CFAP92: variants seen among roughly 807,000 people sequenced by gnomAD.
CFAP92 encodes uncharacterized protein CFAP92.
Under a neutral mutation model 106.3 loss-of-function variants are expected in CFAP92, and 86 were observed. The observed-to-expected ratio is 0.81, with a 90% confidence interval of 0.68 to 0.97. The LOEUF (loss-of-function observed/expected upper bound fraction) is 0.97. CFAP92 is among the 50% of genes least tolerant of loss of function. The pLI is 0.00. For synonymous variants in CFAP92, 477 were observed against 506.4 expected (o/e 0.94, Z 0.78); for missense variants, 1,204 against 1,283.8 (o/e 0.94, Z 0.95).
chr3:128,945,731 A>G lies in CFAP92; in HGVS notation c.1598T>C (p.Leu533Pro), dbSNP rs977749777. Residue 533 changes from leucine to proline, a missense_variant, in exon 10 of 16, where the codon CTG becomes CCG. Coordinates refer to ENST00000645291, the MANE Select transcript of CFAP92 (RefSeq NM_001394090.1). ...GGCCTGGAAGTTGAGGTATGAATCCAGAGGGTCCTCCCCAAACAGCACGGG... is the reference window on the plus strand; with the variant it reads ...GGCCTGGAAGTTGAGGTATGAATCCGGAGGGTCCTCCCCAAACAGCACGGG... ...QKPVLFGEDP[L>P]DSYLNFQALI... The G allele has an allele frequency of 6.5e-7, 1 of 1,536,004 alleles. No homozygotes were observed. Among genetic ancestry groups the G allele is most frequent in the Non-Finnish European group, 8.7e-7 (1 of 1,146,850 alleles).
intron 8 of CFAP92, chr3:128,966,898 A>G (rs534566309): frequency 6.6e-6 from 1 of 152,316 alleles, no homozygotes; most frequent in East Asian, 1.9e-4. Context: ...AAAGGTATCC[A>G]TGTATTTCAC....
chr3:128,946,558 A>AT (rs1402329925), intron 9 of CFAP92, among the ~76,000 whole-genome samples: 1 of 152,212 alleles, frequency 6.6e-6, no homozygotes, highest in East Asian at 1.9e-4. Flanking sequence ...TGGTGCTGAG[A>AT]TTTTATCATC....
chr3:129,020,629 C>T, the CFAP92 span, among the ~76,000 whole-genome samples: 1 of 152,060 alleles, frequency 6.6e-6, no homozygotes, highest in Non-Finnish European at 1.5e-5. Context: ...AGAGTAACAC[C>T]CTGTCTCAAT....
Position 128,962,912 on chromosome 3 carries a change from T to A in CFAP92, c.1353+2599A>T, listed in dbSNP as rs1227936493. Among the ~76,000 whole-genome samples, 3 of 152,322 alleles carry A rather than the reference T, an allele frequency of 2.0e-5. No homozygotes were observed. In the East Asian group the frequency reaches 5.8e-4, roughly 29 times the overall value. On this transcript the variant is annotated intron_variant, in intron 9 of 15. Transcript: ENST00000645291. ...AACCCATATACTCTCCTATCCTCAA[T>A]ACCTTCCTCTACTACCCATTATTCT...
rs1006289070 is a variant in CFAP92, at chr3:129,001,896, G to A, written n.117+678C>T. ...GCTCTGCGCTGTGCTGGGGCTGCGC[G>A]CGGAGGGGGCCACCACGGCCGGGCA... is the stretch of plus-strand genomic sequence containing the variant. On this transcript the variant is annotated intron_variant and non_coding_transcript_variant, in intron 1 of 4. Coordinates refer to the CFAP92 transcript ENST00000510149. 2.3e-5 allele frequency: 35 copies of A among 1,538,288 alleles called. No homozygotes were observed. In the East Asian group the frequency reaches 2.5e-4, roughly 11 times the overall value.
intron 12 of CFAP92, among the ~76,000 whole-genome samples, chr3:128,928,318 T>A (rs1937936229): frequency 6.6e-6 from 1 of 152,218 alleles, no homozygotes. Flanking sequence ...ATTGGCAAGC[T>A]GATCTTAAAA....
Position 128,971,341 on chromosome 3 carries a change from G to A in CFAP92, c.1114C>T (p.Pro372Ser). 1 of 1,613,632 alleles carries A rather than the reference G, an allele frequency of 6.2e-7. No homozygotes were observed. Among genetic ancestry groups the A allele is most frequent in the Non-Finnish European group, 8.5e-7 (1 of 1,179,764 alleles). Residue 372 changes from proline to serine, a missense_variant, in exon 8 of 16, where the codon CCC becomes TCC. Physicochemically the swap from Pro to Ser is moderately conservative, Grantham distance 74. Coordinates refer to ENST00000645291, the MANE Select transcript of CFAP92 (RefSeq NM_001394090.1). The part of the protein sequence containing the change: ...EEEADPTLTG[P>S]RKQSAFSIQL... Reference sequence around the variant, plus strand: ...ATGGAGAAAGCGCTCTGCTTCCTGGGGCCTGTCAGCGTGGGGTCTGCCTCT... The same window carrying A: ...ATGGAGAAAGCGCTCTGCTTCCTGGAGCCTGTCAGCGTGGGGTCTGCCTCT...
intron 9 of CFAP92, among the ~76,000 whole-genome samples, chr3:128,964,652 C>G (rs1380968444): frequency 6.6e-6 from 1 of 152,198 alleles, no homozygotes; most frequent in East Asian, 1.9e-4. Context: ...CCTTTTATAC[C>G]TGTTTTTCTC....
Position 128,927,048 on chromosome 3 carries a change from T to C in CFAP92, c.2751+5652A>G, listed in dbSNP as rs559300218. 3.9e-5 allele frequency among the ~76,000 whole-genome samples: 6 copies of C among 152,010 alleles called. No individual in the cohort carries two copies. The East Asian group carries it at 9.7e-4, about 25-fold the overall frequency. ...GGTGGAGGTTGCAGTGAGCCGAGATTGCACCACTGCACTCCAGCTTGGTGA... is the reference window on the plus strand; with the variant it reads ...GGTGGAGGTTGCAGTGAGCCGAGATCGCACCACTGCACTCCAGCTTGGTGA... On this transcript the variant is annotated intron_variant, in intron 12 of 15. Transcript: ENST00000645291.
At chr3:128,911,920 G>A (rs192866452) in intron 15 of CFAP92, among the ~76,000 whole-genome samples, 15 of 152,254 alleles carry the variant, frequency 9.9e-5, no homozygotes, top group Admixed American at 2.0e-4. Context: ...GGCTTTGCTC[G>A]TGCTCCCCGC....
intron 12 of CFAP92, among the ~76,000 whole-genome samples, chr3:128,918,973 GT>G (rs1441247657): frequency 1.6e-5 from 2 of 122,912 alleles, no homozygotes; most frequent in Non-Finnish European, 3.2e-5. Flanking sequence ...TTGAGACAGA[GT>G]TTTGCTCTTG....
rs1943952510 is a variant in CFAP92, at chr3:128,987,815, C to T, written c.468G>A (p.Trp156Ter). The change falls in exon 4 of 16, where the codon TGG becomes TGA. Residue 156 changes from tryptophan (W) to a stop codon, truncating the protein, a stop_gained. Coordinates refer to ENST00000645291, the MANE Select transcript of CFAP92 (RefSeq NM_001394090.1). LOFTEE classifies it high-confidence loss of function. ...ACACCCAGGCTTTGTCACCTTCGTG[C>T]CACGGCTTCACAGTCTGTGTAAAAC... ...LESGVKTVKP[W>*]HEGDKAWVSW... 1 of 1,609,230 alleles carries T rather than the reference C, an allele frequency of 6.2e-7. No individual in the cohort carries two copies. Among genetic ancestry groups the T allele is most frequent in the African/African-American group, 1.3e-5 (1 of 74,938 alleles).
upstream of CFAP92, among the ~76,000 whole-genome samples, chr3:128,998,592 A>G (rs551022842): frequency 6.6e-6 from 1 of 152,352 alleles, no homozygotes; most frequent in African/African-American, 2.4e-5. Flanking sequence ...TTGGCCCAGT[A>G]ATAAATCACT....
At chr3:129,001,950 G>T (rs1364998270) in intron 1 of CFAP92, 2 of 1,543,756 alleles carry the variant, frequency 1.3e-6, no homozygotes, top group African/African-American at 2.8e-5. Flanking sequence ...CTCCAGAGAT[G>T]TGACCCCCGG....
Position 128,975,895 on chromosome 3 carries a change from A to T in CFAP92, c.905T>A (p.Val302Asp), listed in dbSNP as rs578098482. The stretch of plus-strand genomic sequence containing the variant: ...CAAAGAAATGGTTGGTGTTCTTGAA[A>T]CACTCCATCTAGAAAATTCACAAAG... ...MDDSSTIQWS[V>D]SRTPTISLAG... is the part of the protein sequence containing the mutation. Residue 302 changes from valine to aspartate, a missense_variant, in exon 7 of 16, where the codon GTT (valine) becomes GAT (aspartate). Val to Asp is a radical substitution (Grantham distance 152, BLOSUM62 -3). Coordinates refer to ENST00000645291, the MANE Select transcript of CFAP92 (RefSeq NM_001394090.1). The T allele has an allele frequency of 7.5e-6, 12 of 1,601,960 alleles. No homozygotes were observed. The East Asian group carries it at 2.7e-4, about 36-fold the overall frequency.
chr3:128,937,618 A>AT (rs938801207), intron 10 of CFAP92, among the ~76,000 whole-genome samples: 51 of 150,280 alleles, frequency 3.4e-4, no homozygotes, highest in Admixed American at 2.8e-3. Context: ...AAAAAAAAAG[A>AT]TTTTTCTGGT....
intron 9 of CFAP92, among the ~76,000 whole-genome samples, chr3:128,962,706 C>T (rs907774158): frequency 2.0e-5 from 3 of 152,258 alleles, no homozygotes; most frequent in Non-Finnish European, 2.9e-5. Context: ...TCCCACAGCA[C>T]GATTTAAAAG....
At chr3:128,979,804 G>C (rs567042930) in intron 4 of CFAP92, among the ~76,000 whole-genome samples, 31 of 151,802 alleles carry the variant, frequency 2.0e-4, no homozygotes, top group Non-Finnish European at 3.8e-4. Context: ...TTGTGGGGTG[G>C]GGGGAAGGGG....
chr3:129,001,063 G>A (rs1310815669), intron 1 of CFAP92, among the ~76,000 whole-genome samples: 3 of 152,246 alleles, frequency 2.0e-5, no homozygotes, highest in African/African-American at 7.2e-5. Flanking sequence ...ACAGGGCGGC[G>A]AGAGCAGGCT....
Sources: allele counts gnomAD v4.1 joint callset (sites outside exome capture counted in the v4.1 genomes callset), GRCh38; gene constraint gnomAD v4.1.1; transcripts MANE v1.5; gene names NCBI Gene and HGNC (gene_info 2026-07-23, HGNC 2026-07-21).